SMAD6: variants seen among roughly 807,000 people sequenced by gnomAD.
SMAD6 encodes MAD homolog 6.
A neutral mutation model predicts 39.4 loss-of-function variants in SMAD6; 103 were observed. The ratio of observed to expected loss-of-function variants is 2.62; its 90% CI spans 2.23 to 3.08. SMAD6 has a LOEUF of 3.08. Ranked by LOEUF, SMAD6 falls within the 30% of genes most tolerant of loss-of-function variation. The pLI, the probability that SMAD6 is intolerant of heterozygous loss-of-function variation, is 0.00. For missense variants in SMAD6, 1,104 were observed against 742.9 expected (o/e 1.49, Z -5.65); for synonymous variants, 445 against 353.3 (o/e 1.26, Z -2.91).
intron 3 of SMAD6, among the ~76,000 whole-genome samples, chr15:66,734,153 G>A (rs1424201889): frequency 6.6e-6 from 1 of 152,232 alleles, no homozygotes; most frequent in African/African-American, 2.4e-5. Context: ...AGGCTCTTCC[G>A]GGAGCTCTGA....
chr15:66,729,604 G>C (rs1225469545), intron 3 of SMAD6, among the ~76,000 whole-genome samples: 2 of 152,190 alleles, frequency 1.3e-5, no homozygotes, highest in African/African-American at 2.4e-5. Context: ...AGGCGAGGGG[G>C]CGCCGGGCCC....
At chr15:66,713,548 G>T (rs1287868782) in intron 2 of SMAD6, among the ~76,000 whole-genome samples, 1 of 152,220 alleles carries the variant, frequency 6.6e-6, no homozygotes, top group East Asian at 1.9e-4. Context: ...TCGATCTCCT[G>T]ACCTTGTGAT....
At chr15:66,731,359 A>C (rs1595775946) in intron 3 of SMAD6, among the ~76,000 whole-genome samples, 1 of 146,688 alleles carries the variant, frequency 6.8e-6, no homozygotes, top group Non-Finnish European at 1.5e-5. Flanking sequence ...AATGGCGTGA[A>C]CCCGGGAGGC....
intron 1 of SMAD6, 93 bp downstream of exon 1, chr15:66,704,168 T>A: frequency 2.9e-6 from 3 of 1,051,914 alleles, no homozygotes; most frequent in Non-Finnish European, 3.8e-6. Flanking sequence ...TCGGCGCAGC[T>A]GCGGGTGCTC....
chr15:66,719,191 G>T (rs910108632), intron 3 of SMAD6, among the ~76,000 whole-genome samples: 12 of 152,200 alleles, frequency 7.9e-5, no homozygotes, highest in African/African-American at 2.9e-4. Flanking sequence ...TGGAACATGA[G>T]CCTGGACAGT....
At position 66,747,964 on chromosome 15, in the gene SMAD6, C is replaced by T. The variant is rs868020896; in HGVS notation, c.952+31466C>T. Among the ~76,000 whole-genome samples the T allele has an allele frequency of 6.8e-4, 103 of 152,252 alleles. No homozygotes were observed. The highest frequency in any genetic ancestry group is 2.4e-3 in the African/African-American group (98 of 41,536). On this transcript the variant is annotated intron_variant, in intron 3 of 3. Coordinates refer to ENST00000288840, the MANE Select transcript of SMAD6 (RefSeq NM_005585.5). This position sits in a 1 kb window ranked among gnomAD's most constrained non-coding sequence, Gnocchi z 4.5. ...TCCGGCATGAGGCAGTGGCTGGGGG[C>T]GCACACAGCCACCCCCACGCCCTAA...
intron 3 of SMAD6, among the ~76,000 whole-genome samples, chr15:66,724,607 G>T (rs1303797086): frequency 6.6e-6 from 1 of 152,182 alleles, no homozygotes; most frequent in African/African-American, 2.4e-5. Context: ...AGTCTGTTGG[G>T]TTCCTCAGTG....
chr15:66,757,544 C>T (rs891158521), intron 3 of SMAD6, among the ~76,000 whole-genome samples: 1 of 152,234 alleles, frequency 6.6e-6, no homozygotes, highest in Non-Finnish European at 1.5e-5. Flanking sequence ...GCAGGACCCT[C>T]AGGCTGGGTC....
intron 1 of SMAD6, chr15:66,706,993 G>C (rs1385918619): frequency 3.3e-5 from 5 of 152,372 alleles, no homozygotes; most frequent in Non-Finnish European, 5.9e-5. Context: ...TCTGCCCCAG[G>C]CTTGTCTCGG....
At chr15:66,749,581 G>A (rs1337344177) in intron 3 of SMAD6, among the ~76,000 whole-genome samples, 1 of 152,128 alleles carries the variant, frequency 6.6e-6, no homozygotes, top group Non-Finnish European at 1.5e-5. Flanking sequence ...TAGCTCCACT[G>A]TACTCCAGCC....
chr15:66,710,967 C>A (rs1285663768), intron 1 of SMAD6, among the ~76,000 whole-genome samples: 1 of 152,164 alleles, frequency 6.6e-6, no homozygotes, highest in Non-Finnish European at 1.5e-5. Context: ...TTTCTACTGT[C>A]CTCCCCTGCA....
chr15:66,709,696 G>A (rs575548760), intron 1 of SMAD6, among the ~76,000 whole-genome samples: 1 of 152,338 alleles, frequency 6.6e-6, no homozygotes, highest in South Asian at 2.1e-4. Flanking sequence ...GGGCATGGAG[G>A]TCAGAGACCT....
chr15:66,778,601 G>T (rs1684553467), intron 3 of SMAD6, among the ~76,000 whole-genome samples: 1 of 152,174 alleles, frequency 6.6e-6, no homozygotes, highest in Non-Finnish European at 1.5e-5. Context: ...AACCTCTAGG[G>T]CTCATGGACC....
chr15:66,768,112 C>T (rs1894321256), intron 3 of SMAD6, among the ~76,000 whole-genome samples: 1 of 151,858 alleles, frequency 6.6e-6, no homozygotes. Context: ...TGGGGGACTA[C>T]AGGTGCATGC....
intron 3 of SMAD6, among the ~76,000 whole-genome samples, chr15:66,727,835 A>G (rs1335656386): frequency 1.3e-5 from 2 of 151,876 alleles, no homozygotes; most frequent in African/African-American, 4.8e-5. Context: ...ACATGTGAAC[A>G]ATTTTCACAA....
In SMAD6 at chr15:66,728,971, G is replaced by A. The variant is rs184013415; in HGVS notation, c.952+12473G>A. Among the ~76,000 whole-genome samples the A allele has an allele frequency of 2.6e-5, 4 of 152,316 alleles. No individual in the cohort carries two copies. In the East Asian group the frequency reaches 7.7e-4, roughly 29 times the overall value. On this transcript the variant is annotated intron_variant, in intron 3 of 3. Coordinates refer to ENST00000288840, the MANE Select transcript of SMAD6 (RefSeq NM_005585.5). Reference sequence around the variant, plus strand: ...GAGCTCTACATTATATGTGTGGTCAGCCTTATTAGATACTGTGCCAGACTG... The same window carrying A: ...GAGCTCTACATTATATGTGTGGTCAACCTTATTAGATACTGTGCCAGACTG...
At chr15:66,753,601 C>T (rs1894045600) in intron 3 of SMAD6, among the ~76,000 whole-genome samples, 1 of 152,212 alleles carries the variant, frequency 6.6e-6, no homozygotes, top group African/African-American at 2.4e-5. Flanking sequence ...CTAAGCAGAA[C>T]TAGGAGTGAG....
intron 1 of SMAD6, chr15:66,706,281 C>T (rs780191515): frequency 3.9e-5 from 6 of 152,176 alleles, no homozygotes; most frequent in Admixed American, 1.3e-4. Flanking sequence ...CCATCTAAAT[C>T]TGGACTAAGC....
At chr15:66,717,648 C>A in intron 3 of SMAD6, 6 of 357,782 alleles carry the variant, frequency 1.7e-5, no homozygotes, top group Middle Eastern at 7.7e-4. Flanking sequence ...TATCCATTCC[C>A]TTCTCACCAA....
Sources: gnomAD v4.1 joint callset for allele counts (sites outside exome capture counted in the v4.1 genomes callset) on GRCh38, gnomAD v4.1.1 for gene constraint, Gnocchi (gnomAD v3.1) non-coding constraint, MANE v1.5 for transcripts, NCBI Gene and HGNC (gene_info 2026-07-23, HGNC 2026-07-21) for gene names.